TAFA4: variants seen among roughly 807,000 people sequenced by gnomAD.
TAFA4 encodes chemokine-like protein TAFA-4.
A neutral mutation model predicts 21.1 loss-of-function variants in TAFA4; 20 were observed. That is an observed-to-expected ratio of 0.95 (90% CI 0.67 to 1.38). The LOEUF (loss-of-function observed/expected upper bound fraction) is 1.38. Among genes scored for constraint, TAFA4 ranks in the 40% most tolerant of loss-of-function variants. The pLI, the probability that TAFA4 is intolerant of heterozygous loss-of-function variation, is 0.00. For missense variants in TAFA4, 211 were observed against 180.9 expected, an observed-to-expected ratio of 1.17 and a Z score of -0.95; for synonymous variants, 71 against 67.4, an observed-to-expected ratio of 1.05 and a Z score of -0.26.
intron 1 of TAFA4, among the ~76,000 whole-genome samples, chr3:68,889,421 G>C (rs2089709307): frequency 6.6e-6 from 1 of 151,372 alleles, no homozygotes; most frequent in African/African-American, 2.4e-5. Flanking sequence ...GGAAAATAGA[G>C]AGGCTGTGCC....
chr3:68,765,546 A>T (rs1398940614), intron 3 of TAFA4, among the ~76,000 whole-genome samples: 2 of 152,238 alleles, frequency 1.3e-5, no homozygotes, highest in Non-Finnish European at 2.9e-5. Context: ...TGCTACTCTC[A>T]TGTGGCACCA....
At chr3:68,738,661 T>A (rs1047327838) in intron 5 of TAFA4, among the ~76,000 whole-genome samples, 1 of 152,190 alleles carries the variant, frequency 6.6e-6, no homozygotes, top group East Asian at 1.9e-4. Context: ...GAGAAAAGCG[T>A]TGGCTTCTAA....
rs530116473 is a variant in TAFA4, at chr3:68,920,219, C to G, written c.-123+12021G>C. ...GTATAAACGTGGATAATCTCCAAGA[C>G]ACCAGTAAGCAAAAAAATACAAACT... On this transcript the variant is annotated intron_variant, in intron 1 of 5. Coordinates refer to ENST00000295569, the MANE Select transcript of TAFA4 (RefSeq NM_182522.5). 3.3e-5 allele frequency among the ~76,000 whole-genome samples: 5 copies of G among 152,200 alleles called. No individual in the cohort carries two copies. In the East Asian group the frequency reaches 9.6e-4, roughly 29 times the overall value.
chr3:68,863,824 G>A (rs895026143), intron 3 of TAFA4, among the ~76,000 whole-genome samples: 3 of 151,954 alleles, frequency 2.0e-5, no homozygotes, highest in Non-Finnish European at 4.4e-5. Flanking sequence ...AAATGCCTAA[G>A]GCATTTTAAA....
chr3:68,785,193 C>T (rs545935944), intron 3 of TAFA4, among the ~76,000 whole-genome samples: 4 of 152,328 alleles, frequency 2.6e-5, no homozygotes, highest in African/African-American at 7.2e-5. Context: ...TTACAATCCC[C>T]TAGCTAGACA....
At chr3:68,748,669 G>A (rs1002444701) in intron 4 of TAFA4, among the ~76,000 whole-genome samples, 11 of 151,982 alleles carry the variant, frequency 7.2e-5, no homozygotes, top group East Asian at 3.9e-4. Context: ...ACTTGAACCC[G>A]GGAGGCAGAG....
intron 3 of TAFA4, among the ~76,000 whole-genome samples, chr3:68,873,345 C>CACAA (rs2089509321): frequency 7.8e-6 from 1 of 127,764 alleles, no homozygotes. Context: ...CATACACACA[C>CACAA]ACACACACAC....
intron 3 of TAFA4, among the ~76,000 whole-genome samples, chr3:68,754,322 TTC>T (rs1702619080): frequency 3.9e-5 from 6 of 152,240 alleles, no homozygotes; most frequent in Admixed American, 3.9e-4. Flanking sequence ...ATGCATTGCA[TTC>T]TGTTGTCACA....
chr3:68,800,150 A>G (rs1351880652), intron 3 of TAFA4, among the ~76,000 whole-genome samples: 1 of 152,174 alleles, frequency 6.6e-6, no homozygotes, highest in Non-Finnish European at 1.5e-5. Flanking sequence ...TAACAGAAAT[A>G]AAGTGCACAA....
chr3:68,771,392 G>T (rs1702954291), intron 3 of TAFA4, among the ~76,000 whole-genome samples: 1 of 152,182 alleles, frequency 6.6e-6, no homozygotes, highest in South Asian at 2.1e-4. Flanking sequence ...ACTGCCATGG[G>T]ACTGGAGCCC....
chr3:68,798,313 TA>T (rs1379131085), intron 3 of TAFA4, among the ~76,000 whole-genome samples: 1 of 152,162 alleles, frequency 6.6e-6, no homozygotes, highest in Non-Finnish European at 1.5e-5. Context: ...TTTATAAATC[TA>T]AAAATATAAG....
intron 4 of TAFA4, among the ~76,000 whole-genome samples, chr3:68,749,577 G>C (rs1302015582): frequency 6.6e-6 from 1 of 152,194 alleles, no homozygotes; most frequent in Non-Finnish European, 1.5e-5. Context: ...AGATCAAAGA[G>C]AGATGAAATC....
chr3:68,918,034 T>C (rs1357390653), intron 1 of TAFA4, among the ~76,000 whole-genome samples: 2 of 152,120 alleles, frequency 1.3e-5, no homozygotes, highest in African/African-American at 2.4e-5. Context: ...GCAGGCCAGA[T>C]CTTTGTAGCT....
intron 3 of TAFA4, among the ~76,000 whole-genome samples, chr3:68,820,863 CAT>C (rs552898689): frequency 2.7e-4 from 41 of 152,244 alleles, no homozygotes; most frequent in Non-Finnish European, 4.9e-4. Flanking sequence ...ATTAAAGTCT[CAT>C]GTTATGCACA....
chr3:68,825,705 G>T (rs1027887613), intron 3 of TAFA4, among the ~76,000 whole-genome samples: 1 of 152,144 alleles, frequency 6.6e-6, no homozygotes, highest in African/African-American at 2.4e-5. Context: ...TGAAACCTTT[G>T]AAAGGACAGC....
intron 3 of TAFA4, among the ~76,000 whole-genome samples, chr3:68,853,795 CT>C (rs1201235749): frequency 1.3e-5 from 2 of 152,138 alleles, no homozygotes; most frequent in Admixed American, 1.3e-4. Context: ...ATCTGTGTGA[CT>C]TTTGGCTAGC....
chr3:68,861,488 C>T (rs2089343409), intron 3 of TAFA4, among the ~76,000 whole-genome samples: 1 of 152,142 alleles, frequency 6.6e-6, no homozygotes, highest in Non-Finnish European at 1.5e-5. Context: ...TGCCCCTAAC[C>T]TTTAGAAACT....
chr3:68,747,412 T>C (rs1702478742), intron 4 of TAFA4, among the ~76,000 whole-genome samples: 2 of 151,970 alleles, frequency 1.3e-5, no homozygotes, highest in African/African-American at 2.4e-5. Context: ...GTTCTTGTGA[T>C]AGTGAATAAA....
chr3:68,772,905 G>A (rs1244237918), intron 3 of TAFA4, among the ~76,000 whole-genome samples: 2 of 152,042 alleles, frequency 1.3e-5, no homozygotes, highest in Admixed American at 6.6e-5. Flanking sequence ...TGTCTCTCTG[G>A]AGAACTCTGA....
Sources: gnomAD v4.1 joint callset for allele counts (sites outside exome capture counted in the v4.1 genomes callset) on GRCh38, gnomAD v4.1.1 for gene constraint, MANE v1.5 for transcripts, NCBI Gene and HGNC (gene_info 2026-07-23, HGNC 2026-07-21) for gene names.